Variants in KIAA1958 observed in about 807,000 individuals in gnomAD.
KIAA1958 encodes uncharacterized protein KIAA1958.
In KIAA1958, 14 loss-of-function variants were observed where a neutral mutation model predicts 47.2. The observed-to-expected ratio is 0.30, with a 90% CI of 0.20 to 0.46. The LOEUF (loss-of-function observed/expected upper bound fraction) is 0.46. Ranked by LOEUF, KIAA1958 falls within the 20% of genes least tolerant of loss-of-function variation. KIAA1958 has a pLI of 1.00. For synonymous variants in KIAA1958, 354 were observed against 353.3 expected, an observed-to-expected ratio of 1.00 and a Z score of -0.02; for missense variants, 803 against 909.2, an observed-to-expected ratio of 0.88 and a Z score of 1.50.
intron 2 of KIAA1958, among the ~76,000 whole-genome samples, chr9:112,578,358 A>C (rs576759927): frequency 6.6e-6 from 1 of 152,312 alleles, no homozygotes; most frequent in Non-Finnish European, 1.5e-5. Context: ...TTACACAGTT[A>C]ATATGTAAAG....
At chr9:112,631,661 A>G (rs2073341015) in intron 2 of KIAA1958, among the ~76,000 whole-genome samples, 1 of 152,170 alleles carries the variant, frequency 6.6e-6, no homozygotes, top group African/African-American at 2.4e-5. Flanking sequence ...GTAATATCAA[A>G]TCAGAAATAA....
At chr9:112,612,061 AATAC>A (rs1836336897) in intron 2 of KIAA1958, among the ~76,000 whole-genome samples, 2 of 152,040 alleles carry the variant, frequency 1.3e-5, no homozygotes, top group South Asian at 2.1e-4. Flanking sequence ...AAATGTTTAT[AATAC>A]ATAATATGTA....
At position 112,660,571 on chromosome 9, in the gene KIAA1958, T is replaced by A. The variant is rs1837260808; in HGVS notation, c.*502T>A. 6.3e-6 allele frequency: 1 copy of A among 158,238 alleles called. No individual in the cohort carries two copies. Among genetic ancestry groups the A allele is most frequent in the South Asian group, 1.8e-4 (1 of 5,432 alleles). 9.8% of individuals were successfully genotyped at this position (158,238 alleles called of 1,614,324 possible). A position where few individuals can be genotyped will look rare whatever the true frequency, so the allele number is the denominator to read the frequency against. On this transcript the variant is annotated 3_prime_UTR_variant, in exon 4 of 4. Coordinates refer to ENST00000337530, the MANE Select transcript of KIAA1958 (RefSeq NM_133465.4). ...CAGATTGCGCTTGATGCGCCTTTTT[T>A]TTCTGTTGGTGGATAAGGTGGTTCT...
Position 112,487,094 on chromosome 9 carries a change from T to C in KIAA1958, c.-49T>C, listed in dbSNP as rs943102878. 1 of 221,526 alleles carries C rather than the reference T, an allele frequency of 4.5e-6. No individual in the cohort carries two copies. 13.7% of individuals were successfully genotyped at this position (221,526 alleles called of 1,614,324 possible). ...CCCCCCCGCGCCGACCGCGTTCCTA[T>C]GGACAGACGCACAGACACCTGCAGG... On this transcript the variant is annotated 5_prime_UTR_variant, in exon 1 of 4. An upstream start codon of the reference 5' UTR is lost. Coordinates refer to ENST00000337530, the MANE Select transcript of KIAA1958 (RefSeq NM_133465.4).
chr9:112,548,314 A>G (rs537890224), intron 1 of KIAA1958, among the ~76,000 whole-genome samples: 24 of 152,274 alleles, frequency 1.6e-4, no homozygotes, highest in Admixed American at 5.9e-4. Context: ...GAATCCACCT[A>G]TGACCTGGAA....
chr9:112,544,767 G>A (rs1835001047), intron 1 of KIAA1958, among the ~76,000 whole-genome samples: 1 of 152,196 alleles, frequency 6.6e-6, no homozygotes, highest in Non-Finnish European at 1.5e-5. Context: ...TAGGAAAGCA[G>A]CTGACCAAGG....
intron 2 of KIAA1958, among the ~76,000 whole-genome samples, chr9:112,603,972 T>C (rs1416499856): frequency 6.6e-6 from 1 of 152,164 alleles, no homozygotes; most frequent in Non-Finnish European, 1.5e-5. Flanking sequence ...TGAGACAAAA[T>C]AGTCTTCTCT....
intron 1 of KIAA1958, among the ~76,000 whole-genome samples, chr9:112,525,229 A>G (rs560791905): frequency 5.9e-5 from 9 of 152,356 alleles, no homozygotes; most frequent in South Asian, 2.1e-4. Flanking sequence ...GGTTGCATCA[A>G]TGAACGTTTA....
At chr9:112,581,313 C>T (rs1380403707) in intron 2 of KIAA1958, among the ~76,000 whole-genome samples, 1 of 152,078 alleles carries the variant, frequency 6.6e-6, no homozygotes, top group Non-Finnish European at 1.5e-5. Flanking sequence ...ATAATAGCCG[C>T]CTTTATTAAT....
intron 2 of KIAA1958, among the ~76,000 whole-genome samples, chr9:112,617,250 A>G (rs1390883860): frequency 6.6e-6 from 1 of 152,196 alleles, no homozygotes; most frequent in Non-Finnish European, 1.5e-5. Flanking sequence ...CAAAATACCA[A>G]ATATTTCCAT....
intron 2 of KIAA1958, among the ~76,000 whole-genome samples, chr9:112,610,266 A>G (rs1836303653): frequency 6.6e-6 from 1 of 151,888 alleles, no homozygotes. Flanking sequence ...AAATTTTATT[A>G]ATATAAATAA....
chr9:112,504,718 A>C (rs1470252385), intron 1 of KIAA1958, among the ~76,000 whole-genome samples: 1 of 152,208 alleles, frequency 6.6e-6, no homozygotes, highest in Admixed American at 6.5e-5. Context: ...TGTTTTGTCC[A>C]AATTTTCTCA....
chr9:112,529,798 G>A (rs1334435886), intron 1 of KIAA1958, among the ~76,000 whole-genome samples: 3 of 151,948 alleles, frequency 2.0e-5, no homozygotes, highest in African/African-American at 7.3e-5. Flanking sequence ...GGAAGTCACT[G>A]TTTGCAGCTC....
At chr9:112,589,882 A>G (rs1451558598) in intron 2 of KIAA1958, among the ~76,000 whole-genome samples, 1 of 152,180 alleles carries the variant, frequency 6.6e-6, no homozygotes, top group East Asian at 1.9e-4. Context: ...GGGCTGGGGT[A>G]GGATAGTGGG....
rs956586466 is a variant in KIAA1958, at chr9:112,660,363, G to GC, written c.*296dup. ...AGTGAGGAAATTCATTTTCTCTAGT[G>GC]CCTTTCTAGCACAGGTTTTCTCAAA... On this transcript the variant is annotated 3_prime_UTR_variant, in exon 4 of 4. Transcript: ENST00000337530. 3.2e-5 allele frequency: 12 copies of GC among 373,998 alleles called. No individual in the cohort carries two copies. Among genetic ancestry groups the GC allele is most frequent in the Non-Finnish European group, 5.8e-5 (12 of 206,182 alleles). The allele number at this position is 373,998 out of a possible 1,614,324, so 23.2% of individuals were successfully genotyped here.
intron 1 of KIAA1958, among the ~76,000 whole-genome samples, chr9:112,554,514 A>AATG (rs1277416080): frequency 6.6e-6 from 1 of 151,222 alleles, no homozygotes; most frequent in Admixed American, 6.6e-5. Context: ...TAATAATAAT[A>AATG]ATAATTAGAA....
Position 112,547,998 on chromosome 9 carries a change from CTTTTTTTTTT to C in KIAA1958, c.-24-26041_-24-26032del, listed in dbSNP as rs372918486. 1.3e-3 allele frequency among the ~76,000 whole-genome samples: 121 copies of C among 94,566 alleles called. No individual in the cohort carries two copies. The South Asian group carries it at 0.016, about 13-fold the overall frequency. 62.0% of individuals were successfully genotyped at this position (94,566 alleles called of 152,430 possible). A position where few individuals can be genotyped will look rare whatever the true frequency, so the allele number is the denominator to read the frequency against. ...TTCAACCAATTGCCAGTCAGAAAAT[CTTTTTTTTTT>C]TTTTTTTTTTTTTTTTTGGAGACAA... On this transcript the variant is annotated intron_variant, in intron 1 of 3. Transcript: ENST00000337530.
In KIAA1958 at chr9:112,574,803, C is replaced by G. The variant is rs373746794; in HGVS notation, c.723C>G (p.His241Gln). 1.2e-6 allele frequency: 2 copies of G among 1,614,008 alleles called. No homozygotes were observed. The highest frequency in any genetic ancestry group is 2.7e-5 in the African/African-American group (2 of 74,934). Residue 241 changes from histidine (H) to glutamine (Q), a missense_variant, in exon 2 of 4, where the codon CAC becomes CAG. His to Gln is a conservative substitution (Grantham distance 24). Around this residue, in one of 2 missense-constraint regions of KIAA1958, gnomAD observed 761 missense variants for 829.3 expected, o/e 0.92. Coordinates refer to ENST00000337530, the MANE Select transcript of KIAA1958 (RefSeq NM_133465.4). The stretch of plus-strand genomic sequence containing the variant: ...TGGCAAAACCCAAGCCTCAGACTCA[C>G]GCTGGTCCCTCCTGTGTAGGGTCTG... Reference protein sequence around the residue: ...TQMAKPKPQTHAGPSCVGSAK... With the variant: ...TQMAKPKPQTQAGPSCVGSAK...
chr9:112,545,825 G>GTGTTTTTTTTTTTTTTTTTTTTT lies in KIAA1958; in HGVS notation c.-24-28231_-24-28230insGTTTTTTTTTTTTTTTTTTTTTT, dbSNP rs60211721. ...TCTTTAGTGATACACAGGTTTCTTT[G>GTGTTTTTTTTTTTTTTTTTTTTT]TTTTTTTTTTTTTTTTTTTTTAGTG... On this transcript the variant is annotated intron_variant, in intron 1 of 3. Transcript: ENST00000337530. Among the ~76,000 whole-genome samples the GTGTTTTTTTTTTTTTTTTTTTTT allele has an allele frequency of 2.1e-5, 2 of 93,040 alleles. 1 individual carries two copies. Among genetic ancestry groups the GTGTTTTTTTTTTTTTTTTTTTTT allele is most frequent in the African/African-American group, 8.2e-5 (2 of 24,310 alleles). 61.0% of individuals were successfully genotyped at this position (93,040 alleles called of 152,430 possible).
Sources: allele counts gnomAD v4.1 joint callset (sites outside exome capture counted in the v4.1 genomes callset), GRCh38; gene constraint gnomAD v4.1.1; regional missense constraint gnomAD v4.1.1; transcripts MANE v1.5; gene names NCBI Gene and HGNC (gene_info 2026-07-23, HGNC 2026-07-21).